The following NOL4 variants were observed in gnomAD, a reference collection of about 807,000 sequenced individuals.
NOL4 encodes cancer/testis antigen 125.
NOL4 carries 17 observed loss-of-function variants against 75.9 expected under a neutral mutation model. The observed-to-expected ratio is 0.22, with a 90% CI of 0.15 to 0.34. The LOEUF is 0.34. Among genes scored for constraint, NOL4 ranks in the 10% least tolerant of loss-of-function variants. The pLI is 1.00. For synonymous variants in NOL4, 292 were observed against 289.9 expected, an observed-to-expected ratio of 1.01 and a Z score of -0.07; for missense variants, 614 against 793.5, an observed-to-expected ratio of 0.77 and a Z score of 2.72.
chr18:34,144,567 G>A (rs2081323035), intron 1 of NOL4, among the ~76,000 whole-genome samples: 1 of 152,200 alleles, frequency 6.6e-6, no homozygotes, highest in South Asian at 2.1e-4. Flanking sequence ...GCAAGTCTGT[G>A]CTCAACAAAA....
chr18:34,101,160 T>C lies in NOL4; in HGVS notation c.639+2887A>G, dbSNP rs146700080. On this transcript the variant is annotated intron_variant, in intron 4 of 10. Coordinates refer to ENST00000261592, the MANE Select transcript of NOL4 (RefSeq NM_003787.5). ...CTGAAACATCCATCAGAAGCTTTTG[T>C]TAAATCCAACTAAAATGTATACTCA... 1.1e-4 allele frequency among the ~76,000 whole-genome samples: 17 copies of C among 152,310 alleles called. No homozygotes were observed. In the East Asian group the frequency reaches 1.9e-3, roughly 17 times the overall value.
chr18:34,198,243 A>G (rs1160348921), intron 1 of NOL4, among the ~76,000 whole-genome samples: 2 of 151,800 alleles, frequency 1.3e-5, no homozygotes, highest in Non-Finnish European at 3.0e-5. Context: ...TTAAACACTT[A>G]TTTTAGATTG....
chr18:34,117,872 C>A (rs1395866258), intron 2 of NOL4, among the ~76,000 whole-genome samples: 2 of 152,180 alleles, frequency 1.3e-5, no homozygotes, highest in Non-Finnish European at 2.9e-5. Context: ...AAAGCCATCA[C>A]ATAACGTTGG....
At chr18:33,999,273 G>C (rs2073523975) in intron 6 of NOL4, among the ~76,000 whole-genome samples, 1 of 151,302 alleles carries the variant, frequency 6.6e-6, no homozygotes, top group Non-Finnish European at 1.5e-5. Flanking sequence ...TCTGCCTCTT[G>C]AGTAGCTGGG....
intron 5 of NOL4, among the ~76,000 whole-genome samples, chr18:34,075,104 T>C (rs1011941514): frequency 6.6e-6 from 1 of 152,176 alleles, no homozygotes; most frequent in Admixed American, 6.5e-5. Context: ...ATTATACAGG[T>C]TGAGTATCCC....
chr18:33,988,298 T>A (rs916003077), intron 6 of NOL4, among the ~76,000 whole-genome samples: 3 of 152,058 alleles, frequency 2.0e-5, no homozygotes, highest in African/African-American at 7.2e-5. Context: ...TCACTAGACC[T>A]CCCTACTTCT....
chr18:34,001,219 C>G (rs1481007054), intron 6 of NOL4, among the ~76,000 whole-genome samples: 2 of 152,078 alleles, frequency 1.3e-5, no homozygotes, highest in Non-Finnish European at 2.9e-5. Flanking sequence ...TACAACTTCT[C>G]TTTACGTGAA....
chr18:34,122,993 T>C (rs1223920873), intron 2 of NOL4, among the ~76,000 whole-genome samples: 1 of 152,112 alleles, frequency 6.6e-6, no homozygotes, highest in Non-Finnish European at 1.5e-5. Context: ...ACTAATGAAG[T>C]TTCTCCAAAA....
chr18:34,196,706 C>A (rs987140754), intron 1 of NOL4, among the ~76,000 whole-genome samples: 6 of 152,124 alleles, frequency 3.9e-5, no homozygotes, highest in African/African-American at 1.4e-4. Flanking sequence ...GGACTTTTCC[C>A]TTACAATAGT....
chr18:33,888,748 T>C (rs1398536082), intron 9 of NOL4, among the ~76,000 whole-genome samples: 1 of 152,096 alleles, frequency 6.6e-6, no homozygotes, highest in Non-Finnish European at 1.5e-5. Context: ...GTGTTATTTC[T>C]GAGGCCTCTG....
chr18:33,868,622 A>G (rs974080562), intron 10 of NOL4, among the ~76,000 whole-genome samples: 1 of 150,504 alleles, frequency 6.6e-6, no homozygotes, highest in Non-Finnish European at 1.5e-5. Flanking sequence ...TTTAATGGTC[A>G]TATGAAATAT....
chr18:34,082,389 C>A (rs916284681), intron 5 of NOL4, among the ~76,000 whole-genome samples: 1 of 152,090 alleles, frequency 6.6e-6, no homozygotes, highest in Non-Finnish European at 1.5e-5. Flanking sequence ...AAGTGTCCAC[C>A]TCAAATGGCT....
chr18:34,156,429 T>A (rs917664825), intron 1 of NOL4, among the ~76,000 whole-genome samples: 1 of 152,158 alleles, frequency 6.6e-6, no homozygotes, highest in Non-Finnish European at 1.5e-5. Flanking sequence ...GGAGCCTACT[T>A]TCTTAACTAT....
chr18:33,852,644 A>C lies in NOL4; in HGVS notation c.*198T>G, dbSNP rs1454528796. 1 of 524,464 alleles carries C rather than the reference A, an allele frequency of 1.9e-6. No homozygotes were observed. The highest frequency in any genetic ancestry group is 3.4e-6 in the Non-Finnish European group (1 of 297,004). The allele number at this position is 524,464 out of a possible 1,614,324, so 32.5% of individuals were successfully genotyped here. A position where few individuals can be genotyped will look rare whatever the true frequency, so the allele number is the denominator to read the frequency against. ...AGCAATAGGCTGGACATACTAAAGT[A>C]GCTCAAGTACTTCAGAGGTCAGAGT... On this transcript the variant is annotated 3_prime_UTR_variant, in exon 11 of 11. Coordinates refer to ENST00000261592, the MANE Select transcript of NOL4 (RefSeq NM_003787.5).
At chr18:34,099,317 C>T (rs577243387) in intron 4 of NOL4, among the ~76,000 whole-genome samples, 201 of 141,268 alleles carry the variant, frequency 1.4e-3, no homozygotes, top group African/African-American at 5.1e-3. Context: ...GAGCCGAGAT[C>T]GCGCCACTGC....
rs144407851 is a variant in NOL4 at position 34,045,578 on chromosome 18, C to T, written c.773-25977G>A. Among the ~76,000 whole-genome samples, 45 of 152,264 alleles carry T rather than the reference C, an allele frequency of 3.0e-4. 1 individual carries two copies. The highest frequency in any genetic ancestry group is 3.4e-3 in the Middle Eastern group (1 of 294). ...AACAACTGCTCTGGCTATCCCCACA[C>T]ACCATGTTATCAATTTGCTTACATG... On this transcript the variant is annotated intron_variant, in intron 5 of 10. Transcript: ENST00000261592.
At position 33,886,882 on chromosome 18, in the gene NOL4, TATATCTAGATATATTATATCTAG is replaced by T. The variant is rs1353040288; in HGVS notation, c.1543-3481_1543-3459del. On this transcript the variant is annotated intron_variant, in intron 9 of 10. Coordinates refer to ENST00000261592, the MANE Select transcript of NOL4 (RefSeq NM_003787.5). Reference sequence around the variant, plus strand: ...ATATATCTATATACATATATATCTATATATCTAGATATATTATATCTAGATATATCTATATACATATATATCTA... The same window carrying T: ...ATATATCTATATACATATATATCTATATATATCTATATACATATATATCTA... 3.5e-4 allele frequency among the ~76,000 whole-genome samples: 49 copies of T among 140,604 alleles called. No individual in the cohort carries two copies. The South Asian group carries it at 0.011, about 30-fold the overall frequency. The allele number at this position is 140,604 out of a possible 152,430, so 92.2% of individuals were successfully genotyped here.
chr18:33,982,299 C>T (rs145294976), intron 6 of NOL4, among the ~76,000 whole-genome samples: 246 of 152,176 alleles, frequency 1.6e-3, no homozygotes, highest in African/African-American at 5.6e-3. Context: ...GATCCAACCA[C>T]ATGCTGTCCA....
chr18:33,978,109 T>C (rs2071647443), intron 6 of NOL4, among the ~76,000 whole-genome samples: 1 of 152,164 alleles, frequency 6.6e-6, no homozygotes, highest in Admixed American at 6.6e-5. Flanking sequence ...AGGAAGAGAA[T>C]ATTGGGTTGG....
Sources: gnomAD v4.1 joint callset for allele counts (sites outside exome capture counted in the v4.1 genomes callset) on GRCh38, gnomAD v4.1.1 for gene constraint, MANE v1.5 for transcripts, NCBI Gene and HGNC (gene_info 2026-07-23, HGNC 2026-07-21) for gene names.